Variants in NDUFA13 observed in about 807,000 individuals in gnomAD.
NDUFA13 encodes NADH:ubiquinone oxidoreductase subunit A13, also known as NADH dehydrogenase [ubiquinone] 1 alpha subcomplex subunit 13.
In NDUFA13, 16 loss-of-function variants were observed where a neutral mutation model predicts 17.0. The ratio of observed to expected loss-of-function variants is 0.94; its 90% CI spans 0.64 to 1.43. The LOEUF (loss-of-function observed/expected upper bound fraction) is 1.43, where lower values mean the gene tolerates loss of function less well. Among genes scored for constraint, NDUFA13 ranks in the 40% most tolerant of loss-of-function variants. The probability of loss-of-function intolerance (pLI) is 0.00; values close to 1 mark genes in which losing one functional copy is unlikely to be tolerated. For synonymous variants in NDUFA13, 87 were observed against 78.4 expected (o/e 1.11, Z -0.58); for missense variants, 228 against 206.7 (o/e 1.10, Z -0.63).
intron 1 of NDUFA13, among the ~76,000 whole-genome samples, chr19:19,519,306 G>A (rs1466978245): frequency 6.6e-6 from 1 of 152,090 alleles, no homozygotes; most frequent in Non-Finnish European, 1.5e-5. Flanking sequence ...GCCACAGAAG[G>A]ACCTCAGGCC....
intron 1 of NDUFA13, among the ~76,000 whole-genome samples, chr19:19,524,281 A>G (rs1237233029): frequency 6.6e-6 from 1 of 152,258 alleles, no homozygotes; most frequent in African/African-American, 2.4e-5. Context: ...TGCAAATACA[A>G]GAGGCCCTGC....
At position 19,527,666 on chromosome 19, in the gene NDUFA13, AGGCCCCACCCCCACCATC is replaced by A. The variant is rs770753269; in HGVS notation, c.246-27_246-10del. ...TAGGCAGGGGCCCCTCAGGGCACTGAGGCCCCACCCCCACCATCGGCCCCATCCCCACAGGACCTTGCA... is the reference window on the plus strand; with the variant it reads ...TAGGCAGGGGCCCCTCAGGGCACTGAGGCCCCATCCCCACAGGACCTTGCA... On this transcript the variant is annotated splice_polypyrimidine_tract_variant and intron_variant, in intron 3 of 4. Coordinates refer to ENST00000507754, the MANE Select transcript of NDUFA13 (RefSeq NM_015965.7). The A allele has an allele frequency of 1.4e-5, 22 of 1,524,074 alleles. No individual in the cohort carries two copies. In the East Asian group the frequency reaches 5.4e-4, roughly 37 times the overall value. 94.4% of individuals were successfully genotyped at this position (1,524,074 alleles called of 1,614,324 possible).
At chr19:19,527,155 CCTGCCTG>C in intron 2 of NDUFA13, 119 bp from the exon 3 acceptor site, 65 of 963,746 alleles carry the variant, frequency 6.7e-5, no homozygotes, top group Admixed American at 4.0e-4. Flanking sequence ...CGCCCTGCCC[CCTGCCTG>C]CCTCCCCGCC....
chr19:19,527,294 G>C lies in NDUFA13; in HGVS notation c.187G>C (p.Glu63Gln). ...WNRERRRLQI[E>Q]DFEARIALLP... Reference sequence around the variant, plus strand: ...GGGCTTTCACAGGCGCCTACAAATCGAGGACTTCGAGGCTCGCATCGCGCT... The same window carrying C: ...GGGCTTTCACAGGCGCCTACAAATCCAGGACTTCGAGGCTCGCATCGCGCT... Residue 63 changes from glutamate (E) to glutamine (Q), a missense_variant, in exon 3 of 5, where the codon GAG becomes CAG. Glu to Gln is a conservative substitution (Grantham distance 29, BLOSUM62 2). Transcript: ENST00000507754. 6.2e-7 allele frequency: 1 copy of C among 1,613,956 alleles called. No individual in the cohort carries two copies. The highest frequency in any genetic ancestry group is 1.1e-5 in the South Asian group (1 of 91,090).
intron 2 of NDUFA13, 119 bp from the exon 3 acceptor site, chr19:19,527,162 G>GCCCCCCCCC: frequency 9.6e-6 from 8 of 837,448 alleles, no homozygotes; most frequent in South Asian, 5.3e-5. Context: ...CCCCCTGCCT[G>GCCCCCCCCC]CCTCCCCGCC....
rs778631708 is a variant in NDUFA13, at chr19:19,528,136, C to T, written c.*10C>T. 37 of 1,610,976 alleles carry T rather than the reference C, an allele frequency of 2.3e-5. No individual in the cohort carries two copies. The highest frequency in any genetic ancestry group is 3.1e-5 in the Non-Finnish European group (36 of 1,179,926). On this transcript the variant is annotated 3_prime_UTR_variant, in exon 5 of 5. Coordinates refer to ENST00000507754, the MANE Select transcript of NDUFA13 (RefSeq NM_015965.7). The stretch of plus-strand genomic sequence containing the variant: ...CATGTGGTACACGTAGGCCCTGTGC[C>T]CTCCGGCCACCTGGATCCCTGCCCC...
intron 1 of NDUFA13, among the ~76,000 whole-genome samples, chr19:19,519,045 A>ATTTTTTTTTTTTTTTTTTTTTTT (rs71170693): frequency 4.4e-5 from 5 of 114,878 alleles, no homozygotes; most frequent in African/African-American, 1.9e-4. Flanking sequence ...GGCCCGGCCT[A>ATTTTTTTTTTTTTTTTTTTTTTT]TTTTTTTTTT....
At chr19:19,523,417 C>T (rs2061087004) in intron 1 of NDUFA13, among the ~76,000 whole-genome samples, 1 of 151,782 alleles carries the variant, frequency 6.6e-6, no homozygotes, top group Admixed American at 6.6e-5. Context: ...TAGCAAGACC[C>T]TGTTTCTATG....
chr19:19,523,269 G>T (rs1034001152), intron 1 of NDUFA13, among the ~76,000 whole-genome samples: 1 of 152,130 alleles, frequency 6.6e-6, no homozygotes, highest in Non-Finnish European at 1.5e-5. Flanking sequence ...ACACAGGATG[G>T]GTTTTTATTT....
chr19:19,523,193 G>A (rs1008964342), intron 1 of NDUFA13, among the ~76,000 whole-genome samples: 16 of 152,244 alleles, frequency 1.1e-4, no homozygotes, highest in Admixed American at 5.2e-4. Context: ...TGGGGATTGC[G>A]TTTCAAATCT....
intron 1 of NDUFA13, among the ~76,000 whole-genome samples, chr19:19,518,729 A>ATTT (rs566386690): frequency 2.9e-5 from 1 of 34,116 alleles, no homozygotes; most frequent in African/African-American, 9.1e-5. Flanking sequence ...ATGCCCTGCG[A>ATTT]TTTTTTTTTT....
chr19:19,523,904 T>C (rs1388362759), intron 1 of NDUFA13, among the ~76,000 whole-genome samples: 1 of 152,238 alleles, frequency 6.6e-6, no homozygotes, highest in Non-Finnish European at 1.5e-5. Flanking sequence ...CACTTTAGCC[T>C]GGGCTACAGA....
intron 2 of NDUFA13, 83 bp from the exon 3 acceptor site, chr19:19,527,198 A>AC: frequency 1.8e-6 from 2 of 1,107,148 alleles, no homozygotes; most frequent in Non-Finnish European, 2.5e-6. Context: ...CCCCAGCAGC[A>AC]CCCTGGCCCC....
chr19:19,516,683 C>T (rs2144634821), intron 1 of NDUFA13, among the ~76,000 whole-genome samples: 1 of 152,374 alleles, frequency 6.6e-6, no homozygotes, highest in South Asian at 2.1e-4. Flanking sequence ...AAAGCTGAGG[C>T]CGCAACCCGG....
rs772720666 is a variant in NDUFA13 at position 19,516,354 on chromosome 19, G to C, written c.94+22G>C. The C allele has an allele frequency of 2.2e-5, 35 of 1,612,112 alleles. No individual in the cohort carries two copies. The East Asian group carries it at 6.7e-4, about 31-fold the overall frequency. On this transcript the variant is annotated intron_variant, in intron 1 of 4. Transcript: ENST00000507754. ...TCGGGTCAGTATCACTCTGCGCCGGGGTCTCAGAGTCTGGGCACTCGGGGC... is the reference window on the plus strand; with the variant it reads ...TCGGGTCAGTATCACTCTGCGCCGGCGTCTCAGAGTCTGGGCACTCGGGGC...
At chr19:19,526,439 C>T in intron 2 of NDUFA13, 179 bp downstream of exon 2, 1 of 691,740 alleles carries the variant, frequency 1.4e-6, no homozygotes, top group Non-Finnish European at 2.6e-6. Flanking sequence ...TAGGCTCTGT[C>T]CTCGAGATGT....
At chr19:19,518,560 T>TTG (rs1166245877) in intron 1 of NDUFA13, among the ~76,000 whole-genome samples, 10 of 145,146 alleles carry the variant, frequency 6.9e-5, no homozygotes, top group Non-Finnish European at 1.4e-4. Flanking sequence ...TTGTTGTTTT[T>TTG]TGTGTGTGTG....
chr19:19,524,120 CA>C (rs2061090351), intron 1 of NDUFA13, among the ~76,000 whole-genome samples: 1 of 151,988 alleles, frequency 6.6e-6, no homozygotes, highest in Non-Finnish European at 1.5e-5. Context: ...TCTCCAAAAC[CA>C]AAAACAAAAA....
intron 1 of NDUFA13, among the ~76,000 whole-genome samples, chr19:19,516,657 C>T (rs943125524): frequency 3.9e-5 from 6 of 152,216 alleles, no homozygotes; most frequent in African/African-American, 1.4e-4. Context: ...CAAAGAAGGC[C>T]GCGGCTCCCC....
Sources: allele counts gnomAD v4.1 joint callset (sites outside exome capture counted in the v4.1 genomes callset), GRCh38; gene constraint gnomAD v4.1.1; transcripts MANE v1.5; gene names NCBI Gene and HGNC (gene_info 2026-07-23, HGNC 2026-07-21).